Variants in DGKI observed in about 807,000 individuals in gnomAD.
The protein encoded by DGKI is DAG kinase iota.
In DGKI, 55 loss-of-function variants were observed where a neutral mutation model predicts 147.5. The observed-to-expected ratio is 0.37, with a 90% confidence interval of 0.30 to 0.47. The LOEUF (loss-of-function observed/expected upper bound fraction) is 0.47, where lower values mean the gene tolerates loss of function less well. Ranked by LOEUF, DGKI falls within the 20% of genes least tolerant of loss-of-function variation. DGKI has a pLI of 1.00. For missense variants in DGKI, 1,007 were observed against 1,323.8 expected, an observed-to-expected ratio of 0.76 and a Z score of 3.71; for synonymous variants, 469 against 477.1, an observed-to-expected ratio of 0.98 and a Z score of 0.22.
chr7:137,738,979 C>T (rs904831485), intron 1 of DGKI, among the ~76,000 whole-genome samples: 1 of 152,136 alleles, frequency 6.6e-6, no homozygotes, highest in Non-Finnish European at 1.5e-5. Flanking sequence ...TGGACACCTC[C>T]TCTACCTAAT....
rs200727481 is a variant in DGKI, at chr7:137,752,080, C to T, written c.402-62078G>A. On this transcript the variant is annotated intron_variant, in intron 1 of 32. Coordinates refer to ENST00000614521, the MANE Select transcript of DGKI (RefSeq NM_001321708.2). ...TCATAAATCCTACTACAATGTCCTT[C>T]AGACTAAAAATTTGCCTATTTCCAA... Among the ~76,000 whole-genome samples, 8 of 152,314 alleles carry T rather than the reference C, an allele frequency of 5.3e-5. No individual in the cohort carries two copies. In the East Asian group the frequency reaches 1.5e-3, roughly 29 times the overall value.
chr7:137,520,590 A>T (rs1327771711), intron 21 of DGKI, among the ~76,000 whole-genome samples: 1 of 152,118 alleles, frequency 6.6e-6, no homozygotes, highest in Non-Finnish European at 1.5e-5. Flanking sequence ...GGAAGTGAGA[A>T]GGCTGGGGAG....
chr7:137,419,738 A>G (rs1812488612), intron 28 of DGKI, among the ~76,000 whole-genome samples: 1 of 152,248 alleles, frequency 6.6e-6, no homozygotes, highest in Non-Finnish European at 1.5e-5. Context: ...AATGAATTAT[A>G]TAAATTTCTA....
At chr7:137,440,727 C>T (rs762418299) in intron 28 of DGKI, among the ~76,000 whole-genome samples, 7 of 152,130 alleles carry the variant, frequency 4.6e-5, no homozygotes, top group African/African-American at 7.2e-5. Flanking sequence ...TTGGAGCATG[C>T]GAGCACAGTG....
intron 6 of DGKI, among the ~76,000 whole-genome samples, chr7:137,635,927 G>T (rs561472692): frequency 2.0e-5 from 3 of 152,138 alleles, no homozygotes; most frequent in African/African-American, 7.2e-5. Context: ...GAATTTCTTC[G>T]TCATGGGACT....
chr7:137,538,630 C>T lies in DGKI; in HGVS notation c.2147+13739G>A, dbSNP rs190988434. Among the ~76,000 whole-genome samples, 65 of 152,264 alleles carry T rather than the reference C, an allele frequency of 4.3e-4. 1 individual carries two copies. In the East Asian group the frequency reaches 9.3e-3, roughly 22 times the overall value. On this transcript the variant is annotated intron_variant, in intron 20 of 32. Coordinates refer to ENST00000614521, the MANE Select transcript of DGKI (RefSeq NM_001321708.2). ...GTTGTTTTGCTGAATTTAGCTATGACACTCGCTGAGTCACTGCAGTGGGCA... is the reference window on the plus strand; with the variant it reads ...GTTGTTTTGCTGAATTTAGCTATGATACTCGCTGAGTCACTGCAGTGGGCA...
In DGKI at chr7:137,578,337, G is replaced by A. The variant is rs1363708420; in HGVS notation, c.1643-12C>T. The A allele has an allele frequency of 1.1e-5, 17 of 1,612,200 alleles. No individual in the cohort carries two copies. Among genetic ancestry groups the A allele is most frequent in the Non-Finnish European group, 1.3e-5 (15 of 1,178,414 alleles). ...CTCTGGATTTGCTTCTGTGAAAGAG[G>A]AAAAGTAGTTTTGTTATGGAGACCT... On this transcript the variant is annotated splice_polypyrimidine_tract_variant and intron_variant, in intron 15 of 32. Transcript: ENST00000614521.
intron 32 of DGKI, among the ~76,000 whole-genome samples, chr7:137,392,246 A>G (rs1276509480): frequency 2.0e-5 from 3 of 152,092 alleles, no homozygotes; most frequent in Non-Finnish European, 2.9e-5. Context: ...GTATATATAT[A>G]TTGCTATTTT....
intron 23 of DGKI, among the ~76,000 whole-genome samples, chr7:137,472,866 T>C (rs1009238211): frequency 1.2e-4 from 18 of 152,094 alleles, no homozygotes; most frequent in African/African-American, 3.9e-4. Flanking sequence ...CATTTTGATG[T>C]TGAATATGCT....
chr7:137,798,279 C>T (rs895934395), intron 1 of DGKI, among the ~76,000 whole-genome samples: 1 of 152,126 alleles, frequency 6.6e-6, no homozygotes, highest in South Asian at 2.1e-4. Flanking sequence ...GAATTCATAC[C>T]AATCATTCAT....
chr7:137,805,384 T>C (rs941303160), intron 1 of DGKI, among the ~76,000 whole-genome samples: 2 of 152,298 alleles, frequency 1.3e-5, no homozygotes, highest in African/African-American at 4.8e-5. Context: ...CCTTACGCTG[T>C]CTGCAGGGAA....
intron 2 of DGKI, among the ~76,000 whole-genome samples, chr7:137,679,976 G>GT (rs1823176214): frequency 7.5e-6 from 1 of 133,018 alleles, no homozygotes; most frequent in Admixed American, 7.5e-5. Flanking sequence ...GGGCGACAGA[G>GT]TGAGACTCCA....
chr7:137,593,921 T>C (rs1437779462), intron 12 of DGKI, among the ~76,000 whole-genome samples: 1 of 152,226 alleles, frequency 6.6e-6, no homozygotes, highest in Non-Finnish European at 1.5e-5. Flanking sequence ...ATGCATTTCT[T>C]TGTAGATTCA....
At chr7:137,395,849 G>A in intron 31 of DGKI, 152 bp from the exon 32 acceptor site, 1 of 594,266 alleles carries the variant, frequency 1.7e-6, no homozygotes, top group Non-Finnish European at 2.9e-6. Flanking sequence ...AGGTAGGGAA[G>A]GGGATTTCTA....
At chr7:137,651,743 AAG>A (rs1273930176) in intron 5 of DGKI, among the ~76,000 whole-genome samples, 1 of 152,198 alleles carries the variant, frequency 6.6e-6, no homozygotes, top group Non-Finnish European at 1.5e-5. Flanking sequence ...AGCAATGAAA[AAG>A]AATAGGAAGG....
At chr7:137,548,732 C>T (rs999503258) in intron 20 of DGKI, among the ~76,000 whole-genome samples, 12 of 152,166 alleles carry the variant, frequency 7.9e-5, no homozygotes, top group African/African-American at 2.7e-4. Flanking sequence ...CTTTGGGAGG[C>T]TGAGGCGGGC....
At chr7:137,435,383 C>T (rs951358448) in intron 28 of DGKI, among the ~76,000 whole-genome samples, 9 of 151,994 alleles carry the variant, frequency 5.9e-5, no homozygotes, top group Admixed American at 5.2e-4. Flanking sequence ...TTCCAAGACA[C>T]GGAAATTAAT....
chr7:137,477,039 T>C (rs1394928203), intron 23 of DGKI, among the ~76,000 whole-genome samples: 3 of 152,194 alleles, frequency 2.0e-5, no homozygotes, highest in Non-Finnish European at 4.4e-5. Context: ...GAAGATCTCA[T>C]TCTACTCTAG....
chr7:137,533,019 T>C (rs1817393587), intron 20 of DGKI, among the ~76,000 whole-genome samples: 1 of 152,080 alleles, frequency 6.6e-6, no homozygotes, highest in Non-Finnish European at 1.5e-5. Flanking sequence ...AATGGGTCAG[T>C]TGGGGCCAGG....
Sources: gnomAD v4.1 joint callset for allele counts (sites outside exome capture counted in the v4.1 genomes callset) on GRCh38, gnomAD v4.1.1 for gene constraint, MANE v1.5 for transcripts, NCBI Gene and HGNC (gene_info 2026-07-23, HGNC 2026-07-21) for gene names.